CAP1: variants seen among roughly 807,000 people sequenced by gnomAD.
CAP1 encodes the protein cyclase associated actin cytoskeleton regulatory protein 1, also known as adenylyl cyclase-associated protein 1.
In CAP1, 11 loss-of-function variants were observed where a neutral mutation model predicts 58.2. The ratio of observed to expected loss-of-function variants is 0.19; its 90% confidence interval spans 0.12 to 0.31. The LOEUF (loss-of-function observed/expected upper bound fraction) is 0.31, where lower values mean the gene tolerates loss of function less well. Among genes scored for constraint, CAP1 ranks in the 10% least tolerant of loss-of-function variants. CAP1 has a pLI of 1.00. For missense variants in CAP1, 423 were observed against 587.5 expected (o/e 0.72, Z 2.89); for synonymous variants, 183 against 213.8 (o/e 0.86, Z 1.26).
At chr1:40,052,043 A>G (rs1030501851) in intron 1 of CAP1, among the ~76,000 whole-genome samples, 1 of 152,124 alleles carries the variant, frequency 6.6e-6, no homozygotes, top group Non-Finnish European at 1.5e-5. Flanking sequence ...AATGCTAAGC[A>G]CTTTGATTTT....
At chr1:40,057,770 T>G (rs1570387119) in intron 1 of CAP1, among the ~76,000 whole-genome samples, 1 of 152,228 alleles carries the variant, frequency 6.6e-6, no homozygotes, top group African/African-American at 2.4e-5. Context: ...TCATTCAGCT[T>G]CAGTTACCTG....
chr1:40,050,851 T>G (rs1350932310), intron 1 of CAP1, among the ~76,000 whole-genome samples: 1 of 152,208 alleles, frequency 6.6e-6, no homozygotes, highest in East Asian at 1.9e-4. Context: ...AACCCTTGAA[T>G]GGCTTCACAT....
intron 1 of CAP1, among the ~76,000 whole-genome samples, chr1:40,044,745 G>C (rs1646001293): frequency 1.4e-5 from 2 of 146,250 alleles, no homozygotes; most frequent in Admixed American, 1.4e-4. Context: ...TTAGAACAGG[G>C]TTTCTCAACG....
At chr1:40,052,977 C>G (rs529358726) in intron 1 of CAP1, among the ~76,000 whole-genome samples, 2 of 152,166 alleles carry the variant, frequency 1.3e-5, no homozygotes, top group Admixed American at 1.3e-4. Context: ...GTAATCCCAG[C>G]ACTTTGGGAG....
At chr1:40,049,372 G>A (rs896880704) in intron 1 of CAP1, among the ~76,000 whole-genome samples, 2 of 151,328 alleles carry the variant, frequency 1.3e-5, no homozygotes, top group Admixed American at 6.6e-5. Context: ...CACCATGCCT[G>A]GTTAATTTTT....
At chr1:40,047,002 A>G (rs994837607) in intron 1 of CAP1, among the ~76,000 whole-genome samples, 4 of 152,056 alleles carry the variant, frequency 2.6e-5, no homozygotes, top group African/African-American at 7.2e-5. Context: ...CAAACTCCTG[A>G]CCTTGTGTTC....
intron 1 of CAP1, among the ~76,000 whole-genome samples, chr1:40,054,549 GC>G (rs1473750634): frequency 1.3e-5 from 2 of 152,142 alleles, no homozygotes; most frequent in African/African-American, 4.8e-5. Flanking sequence ...GTGGCTAGTT[GC>G]CTGTTGACTG....
At chr1:40,043,287 T>A (rs1645926630) in intron 1 of CAP1, among the ~76,000 whole-genome samples, 1 of 152,118 alleles carries the variant, frequency 6.6e-6, no homozygotes, top group Non-Finnish European at 1.5e-5. Context: ...AACCTCCACC[T>A]CCCAGGTTCA....
chr1:40,051,326 G>C (rs1646354815), intron 1 of CAP1, among the ~76,000 whole-genome samples: 1 of 152,124 alleles, frequency 6.6e-6, no homozygotes, highest in African/African-American at 2.4e-5. Flanking sequence ...GAGGCAAGAG[G>C]ACTGTTTGAG....
chr1:40,045,030 C>T (rs542184717), intron 1 of CAP1, among the ~76,000 whole-genome samples: 3 of 151,918 alleles, frequency 2.0e-5, no homozygotes, highest in Admixed American at 1.3e-4. Flanking sequence ...GTGATCTGCT[C>T]GCCTCGGCCT....
chr1:40,071,130 A>G lies in CAP1; in HGVS notation c.1344+151A>G, dbSNP rs189410231. 283 of 786,260 alleles carry G rather than the reference A, an allele frequency of 3.6e-4. No individual in the cohort carries two copies. In the African/African-American group the frequency reaches 4.5e-3, roughly 13 times the overall value. The allele number at this position is 786,260 out of a possible 1,614,324, so 48.7% of individuals were successfully genotyped here. ...AAGTACACAGAAATGAGGTAGTCCC[A>G]TGTAGTGGAGCCCCAAAGGTAGGTG... On this transcript the variant is annotated intron_variant, in intron 12 of 12. Transcript: ENST00000372805.
chr1:40,065,285 T>C (rs1227523869), intron 6 of CAP1, among the ~76,000 whole-genome samples: 2 of 152,236 alleles, frequency 1.3e-5, no homozygotes, highest in Non-Finnish European at 2.9e-5. Flanking sequence ...AGGTATTACG[T>C]AGGGCAGTCA....
intron 1 of CAP1, among the ~76,000 whole-genome samples, chr1:40,052,324 A>G (rs1646413028): frequency 6.6e-6 from 1 of 152,172 alleles, no homozygotes; most frequent in South Asian, 2.1e-4. Context: ...TAGTATGTAC[A>G]GCTTGGGACT....
chr1:40,040,976 G>A (rs1029665426), intron 1 of CAP1, 175 bp downstream of exon 1: 2 of 152,852 alleles, frequency 1.3e-5, no homozygotes, highest in African/African-American at 4.8e-5. Flanking sequence ...GTGGGGCCGG[G>A]GTGAGCAGCT....
chr1:40,067,757 T>C, intron 8 of CAP1, 40 bp downstream of exon 8: 1 of 1,481,306 alleles, frequency 6.8e-7, no homozygotes. Flanking sequence ...GTACAACAAG[T>C]TGTGTGGGCC....
At chr1:40,069,244 A>G (rs1647325614) in intron 8 of CAP1, among the ~76,000 whole-genome samples, 1 of 152,236 alleles carries the variant, frequency 6.6e-6, no homozygotes, top group African/African-American at 2.4e-5. Flanking sequence ...AAATATATGT[A>G]GAAAACAATA....
chr1:40,069,487 C>T (rs1379064157), intron 8 of CAP1: 1 of 574,490 alleles, frequency 1.7e-6, no homozygotes, highest in East Asian at 3.1e-5. Flanking sequence ...ACACACATTC[C>T]ATGTTGTTGT....
chr1:40,044,460 TG>T (rs1480895688), intron 1 of CAP1, among the ~76,000 whole-genome samples: 1 of 152,224 alleles, frequency 6.6e-6, no homozygotes, highest in Non-Finnish European at 1.5e-5. Flanking sequence ...TGTGCTAACC[TG>T]GCTTTCATGA....
intron 3 of CAP1, among the ~76,000 whole-genome samples, 164 bp from the exon 4 acceptor site, chr1:40,061,571 A>G (rs1320595996): frequency 1.3e-5 from 2 of 152,212 alleles, no homozygotes; most frequent in African/African-American, 2.4e-5. Context: ...ACAGTAGTGT[A>G]TGTAATTCTG....
Sources: allele counts gnomAD v4.1 joint callset (sites outside exome capture counted in the v4.1 genomes callset), GRCh38; gene constraint gnomAD v4.1.1; transcripts MANE v1.5; gene names NCBI Gene and HGNC (gene_info 2026-07-23, HGNC 2026-07-21).